MOSPD1: variants seen among roughly 807,000 people sequenced by gnomAD.
MOSPD1 encodes motile sperm domain-containing protein 1.
In MOSPD1, 5 loss-of-function variants were observed where a neutral mutation model predicts 16.7. That is an observed-to-expected ratio of 0.30 (90% CI 0.16 to 0.63). The LOEUF is 0.63. MOSPD1 is among the 30% of genes least tolerant of loss of function. MOSPD1 has a pLI of 0.82. For missense variants in MOSPD1, 104 were observed against 153.6 expected (o/e 0.68, Z 1.71); for synonymous variants, 67 against 59.2 (o/e 1.13, Z -0.61).
intron 1 of MOSPD1, among the ~76,000 whole-genome samples, chrX:134,905,126 G>A (rs2082934827): frequency 9.1e-6 from 1 of 110,116 alleles, no homozygotes; most frequent in Non-Finnish European, 1.9e-5. Context: ...TTGGGAGGTC[G>A]ATGCGGGCAG....
At chrX:134,898,991 A>G in intron 3 of MOSPD1, 99 bp downstream of exon 3, 1 of 726,130 alleles carries the variant, frequency 1.4e-6, no homozygotes, top group Non-Finnish European at 2.0e-6. Context: ...ATAAATGCCT[A>G]TGTGAGAACA....
chrX:134,899,023 T>G, intron 3 of MOSPD1, 67 bp downstream of exon 3: 1 of 896,747 alleles, frequency 1.1e-6, no homozygotes, highest in Non-Finnish European at 1.6e-6. Flanking sequence ...ATATCTTTTT[T>G]TTTCAAGTTA....
chrX:134,905,556 C>T (rs1417978157), intron 1 of MOSPD1, among the ~76,000 whole-genome samples: 5 of 83,526 alleles, frequency 6.0e-5, no homozygotes, highest in South Asian at 4.7e-4. Flanking sequence ...TTAAAAAAAA[C>T]GAATATTTAA....
At chrX:134,904,981 G>A (rs772961099) in intron 1 of MOSPD1, among the ~76,000 whole-genome samples, 1 of 111,670 alleles carries the variant, frequency 9.0e-6, no homozygotes, top group African/African-American at 3.3e-5. Flanking sequence ...TGTGTAGTTG[G>A]AGATGGACTG....
chrX:134,894,689 T>G (rs1472631931), intron 4 of MOSPD1, among the ~76,000 whole-genome samples: 2 of 111,755 alleles, frequency 1.8e-5, no homozygotes, highest in Admixed American at 9.6e-5. Flanking sequence ...GGCTCTGCTG[T>G]GGTATCACCT....
At chrX:134,905,547 TA>T (rs1316534934) in intron 1 of MOSPD1, among the ~76,000 whole-genome samples, 5 of 91,106 alleles carry the variant, frequency 5.5e-5, no homozygotes, top group Non-Finnish European at 1.1e-4. Context: ...AATACTTATT[TA>T]AAAAAAACGA....
intron 4 of MOSPD1, among the ~76,000 whole-genome samples, chrX:134,894,039 G>C (rs760741160): frequency 3.0e-4 from 33 of 111,197 alleles, no homozygotes; most frequent in Non-Finnish European, 6.0e-4. Context: ...AGCATTTTAT[G>C]AAAGTATACT....
chrX:134,914,571 C>G (rs1473834147), intron 1 of MOSPD1, among the ~76,000 whole-genome samples: 1 of 111,372 alleles, frequency 9.0e-6, no homozygotes, highest in Non-Finnish European at 1.9e-5. Context: ...CACGCACCCC[C>G]TACACCCTAC....
chrX:134,894,369 T>C (rs1258613171), intron 4 of MOSPD1, among the ~76,000 whole-genome samples: 1 of 112,173 alleles, frequency 8.9e-6, no homozygotes, highest in Non-Finnish European at 1.9e-5. Flanking sequence ...GCACCTCTAA[T>C]ACTTTAATAA....
chrX:134,891,411 C>T, intron 5 of MOSPD1, 68 bp downstream of exon 5: 2 of 1,017,652 alleles, frequency 2.0e-6, no homozygotes, highest in Non-Finnish European at 1.3e-6. Flanking sequence ...AAAAATCAAA[C>T]CACCACCACC....
rs1449386420 is a variant in MOSPD1 at position 134,888,563 on chromosome X, T to C, written c.*598A>G. The C allele has an allele frequency of 9.0e-6, 1 of 111,715 alleles. No individual in the cohort carries two copies. The highest frequency in any genetic ancestry group is 1.9e-5 in the Non-Finnish European group (1 of 53,032). The allele number at this position is 111,715 out of a possible 1,213,427, so 9.2% of individuals were successfully genotyped here. A position where few individuals can be genotyped will look rare whatever the true frequency, so the allele number is the denominator to read the frequency against. On this transcript the variant is annotated 3_prime_UTR_variant, in exon 6 of 6. Transcript: ENST00000370783. ...GATTCTTGGTGTCTGGACCACAACC[T>C]GTTCTGTAATTCACAAGATTAATTA...
rs750410061 is a variant in MOSPD1 at position 134,899,305 on chromosome X, G to A, written c.129C>T (p.Pro43=). 1 of 1,183,280 alleles carries A rather than the reference G, an allele frequency of 8.5e-7. No homozygotes were observed. The highest frequency in any genetic ancestry group is 1.1e-6 in the Non-Finnish European group (1 of 885,175). Residue 43 remains proline (P), a synonymous_variant, in exon 2 of 6, where the codon CCC becomes CCT. Coordinates refer to ENST00000370783, the MANE Select transcript of MOSPD1 (RefSeq NM_019556.3). Reference sequence around the variant, plus strand: ...CTTTGAACTTTAAGGCAAACTCATAGGGATTGTACAGTGTCAACACTTGCT... The same window carrying A: ...CTTTGAACTTTAAGGCAAACTCATAAGGATTGTACAGTGTCAACACTTGCT... ...THKQVLTLYN[P]YEFALKFKVL... is the part of the protein sequence containing the mutation.
At chrX:134,893,669 G>A (rs963060680) in intron 4 of MOSPD1, among the ~76,000 whole-genome samples, 29 of 110,818 alleles carry the variant, frequency 2.6e-4, no homozygotes, top group Non-Finnish European at 1.3e-4. Flanking sequence ...ACATAAATAA[G>A]GCCATATTAT....
intron 4 of MOSPD1, among the ~76,000 whole-genome samples, chrX:134,895,745 A>T (rs1385795173): frequency 9.0e-6 from 1 of 111,610 alleles, no homozygotes; most frequent in Non-Finnish European, 1.9e-5. Context: ...TGCTGAGAAT[A>T]AAACAATCCA....
intron 1 of MOSPD1, among the ~76,000 whole-genome samples, chrX:134,903,943 CAG>C (rs745982361): frequency 1.8e-5 from 2 of 110,826 alleles, no homozygotes; most frequent in Non-Finnish European, 3.8e-5. Flanking sequence ...GAGGCTGAAA[CAG>C]AGAATTGCTT....
chrX:134,912,256 C>T (rs2082975460), intron 1 of MOSPD1, among the ~76,000 whole-genome samples: 1 of 111,660 alleles, frequency 9.0e-6, no homozygotes, highest in Non-Finnish European at 1.9e-5. Context: ...CCATGTTGGT[C>T]AGGCTGGTCT....
chrX:134,899,800 A>C, intron 1 of MOSPD1: 1 of 122,896 alleles, frequency 8.1e-6, no homozygotes, highest in Non-Finnish European at 1.7e-5. Flanking sequence ...AAAATCAAAA[A>C]TACAAAAATT....
intron 4 of MOSPD1, among the ~76,000 whole-genome samples, chrX:134,893,462 A>G (rs2082871813): frequency 8.9e-6 from 1 of 112,203 alleles, no homozygotes. Flanking sequence ...CATTTGCATA[A>G]ATGCTTGAAA....
intron 1 of MOSPD1, among the ~76,000 whole-genome samples, chrX:134,908,302 A>G (rs5978060): frequency 0.41 from 45,294 of 110,227 alleles, 7,332 homozygotes; most frequent in African/African-American, 0.58. Flanking sequence ...CCCACCACTC[A>G]CCCGTCATAG....
Sources: gnomAD v4.1 joint callset for allele counts (sites outside exome capture counted in the v4.1 genomes callset) on GRCh38, gnomAD v4.1.1 for gene constraint, MANE v1.5 for transcripts, NCBI Gene and HGNC (gene_info 2026-07-23, HGNC 2026-07-21) for gene names.